The following SLC2A12 variants were observed in gnomAD, a reference collection of about 807,000 sequenced individuals.
The protein encoded by SLC2A12 is solute carrier family 2, facilitated glucose transporter member 12.
In SLC2A12, 23 loss-of-function variants were observed where a neutral mutation model predicts 41.8. That is an observed-to-expected ratio of 0.55 (90% confidence interval 0.40 to 0.78). SLC2A12 has a LOEUF of 0.78. Ranked by LOEUF, SLC2A12 falls within the 30% of genes least tolerant of loss-of-function variation. SLC2A12 has a pLI of 0.00. For missense variants in SLC2A12, 654 were observed against 745.6 expected, an observed-to-expected ratio of 0.88 and a Z score of 1.43; for synonymous variants, 295 against 285.9, an observed-to-expected ratio of 1.03 and a Z score of -0.32.
At chr6:134,040,044 GGTT>G (rs1299623678) in intron 1 of SLC2A12, among the ~76,000 whole-genome samples, 3 of 147,574 alleles carry the variant, frequency 2.0e-5, no homozygotes, top group African/African-American at 5.1e-5. Context: ...TCCAATCTCA[GGTT>G]GTTGTTTTTT....
At chr6:134,050,290 TTC>T in intron 1 of SLC2A12, among the ~76,000 whole-genome samples, 1 of 152,230 alleles carries the variant, frequency 6.6e-6, no homozygotes, top group Non-Finnish European at 1.5e-5. Context: ...AAGGTTTGCA[TTC>T]ATCTAAATGC....
intron 1 of SLC2A12, among the ~76,000 whole-genome samples, chr6:134,052,097 A>G (rs1003144023): frequency 6.6e-6 from 1 of 152,120 alleles, no homozygotes; most frequent in Non-Finnish European, 1.5e-5. Flanking sequence ...CCATCATACC[A>G]GTGGTGGATG....
At chr6:134,040,060 T>TA (rs887584706) in intron 1 of SLC2A12, among the ~76,000 whole-genome samples, 1 of 144,918 alleles carries the variant, frequency 6.9e-6, no homozygotes, top group African/African-American at 2.7e-5. Flanking sequence ...TGTTTTTTGT[T>TA]TTTTTTTTTT....
At chr6:134,023,872 T>C (rs1039765163) in intron 2 of SLC2A12, among the ~76,000 whole-genome samples, 1 of 152,220 alleles carries the variant, frequency 6.6e-6, no homozygotes. Flanking sequence ...AGTCTGTTAC[T>C]GTGATGATTT....
Position 134,029,220 on chromosome 6 carries a change from A to G in SLC2A12, c.605T>C (p.Leu202Pro). The G allele has an allele frequency of 1.2e-6, 2 of 1,614,222 alleles. No individual in the cohort carries two copies. Among genetic ancestry groups the G allele is most frequent in the Non-Finnish European group, 1.7e-6 (2 of 1,180,046 alleles). Residue 202 changes from leucine to proline, a missense_variant, in exon 2 of 5, where the codon CTT (leucine) becomes CCT (proline). Transcript: ENST00000275230. ...VFHGWKYMFGLVIPLGVLQAI... is the reference protein window; with the variant it reads ...VFHGWKYMFGPVIPLGVLQAI... ...TTGCAAAACTCCCAAGGGAATCACA[A>G]GACCAAACATGTACTTCCAGCCATG...
intron 2 of SLC2A12, among the ~76,000 whole-genome samples, chr6:134,017,710 C>G (rs1258364077): frequency 6.6e-6 from 1 of 151,948 alleles, no homozygotes; most frequent in Non-Finnish European, 1.5e-5. Flanking sequence ...AAAAATTAGC[C>G]AGGCGTGGTG....
At chr6:134,005,659 TAAAAAAAAAAAAAAAA>T (rs56710009) in intron 3 of SLC2A12, among the ~76,000 whole-genome samples, 1,553 of 65,044 alleles carry the variant, frequency 0.024, 56 homozygotes, top group African/African-American at 0.079. Flanking sequence ...GACTCTGTCT[TAAAAAAAAAAAAAAAA>T]AAAAAAAAAA....
intron 4 of SLC2A12, among the ~76,000 whole-genome samples, chr6:133,998,303 A>AT (rs748157809): frequency 6.6e-6 from 1 of 152,122 alleles, no homozygotes; most frequent in Non-Finnish European, 1.5e-5. Context: ...CTGTCATTGA[A>AT]TTTTCGTTTG....
intron 4 of SLC2A12, among the ~76,000 whole-genome samples, chr6:133,997,085 C>CAAAAAAAA (rs58295985): frequency 2.0e-3 from 142 of 70,714 alleles, no homozygotes; most frequent in African/African-American, 4.0e-3. Flanking sequence ...ACTAAAAATA[C>CAAAAAAAA]AAAAAAAAAA....
At chr6:134,049,208 T>A (rs1347437664) in intron 1 of SLC2A12, among the ~76,000 whole-genome samples, 1 of 152,192 alleles carries the variant, frequency 6.6e-6, no homozygotes, top group East Asian at 1.9e-4. Context: ...TAAAGGACAG[T>A]CCTTTCAGCT....
At chr6:134,029,883 T>C (rs1777178111) in intron 1 of SLC2A12, among the ~76,000 whole-genome samples, 162 bp from the exon 2 acceptor site, 1 of 152,232 alleles carries the variant, frequency 6.6e-6, no homozygotes, top group South Asian at 2.1e-4. Context: ...AATGATTTGA[T>C]ATAGAAGGAG....
At chr6:134,008,828 A>G (rs748665251) in intron 2 of SLC2A12, among the ~76,000 whole-genome samples, 1 of 152,304 alleles carries the variant, frequency 6.6e-6, no homozygotes, top group South Asian at 2.1e-4. Context: ...GGCCAGGTGA[A>G]GCTGAGGGTC....
intron 4 of SLC2A12, among the ~76,000 whole-genome samples, chr6:133,997,258 CA>C (rs1208697643): frequency 6.6e-6 from 1 of 151,536 alleles, no homozygotes; most frequent in African/African-American, 2.4e-5. Flanking sequence ...GACTCCATCT[CA>C]AAAAAAAGTT....
rs61105808 is a variant in SLC2A12, at chr6:134,024,824, A to G, written c.1444+3557T>C. On this transcript the variant is annotated intron_variant, in intron 2 of 4. Transcript: ENST00000275230. ...GACCCTGGGCACCTCCACAACACCCAGAACTACCCAACTCCAGCTATTAAG... is the reference window on the plus strand; with the variant it reads ...GACCCTGGGCACCTCCACAACACCCGGAACTACCCAACTCCAGCTATTAAG... 6.0e-3 allele frequency among the ~76,000 whole-genome samples: 917 copies of G among 152,376 alleles called. 7 individuals carry two copies. The highest frequency in any genetic ancestry group is 0.02 in the Middle Eastern group (6 of 294).
intron 1 of SLC2A12, 152 bp downstream of exon 1, chr6:134,052,226 C>A: frequency 1.6e-6 from 1 of 611,596 alleles, no homozygotes; most frequent in Non-Finnish European, 2.8e-6. Context: ...ACTCATCCAG[C>A]GCGCCCACAT....
rs186775974 is a variant in SLC2A12 at position 133,994,550 on chromosome 6, A to G, written c.1701-3242T>C. ...AGACCATCCTGGCTAACATGGTGAAACCCCGTCTCTACTAAAAATACAAAA... is the reference window on the plus strand; with the variant it reads ...AGACCATCCTGGCTAACATGGTGAAGCCCCGTCTCTACTAAAAATACAAAA... On this transcript the variant is annotated intron_variant, in intron 4 of 4. Coordinates refer to ENST00000275230, the MANE Select transcript of SLC2A12 (RefSeq NM_145176.3). Among the ~76,000 whole-genome samples, 770 of 152,190 alleles carry G rather than the reference A, an allele frequency of 5.1e-3. 9 individuals are homozygous for G. Among genetic ancestry groups the G allele is most frequent in the African/African-American group, 0.017 (725 of 41,512 alleles).
chr6:134,028,304 C>T (rs1777140894), intron 2 of SLC2A12, 77 bp downstream of exon 2: 1 of 1,500,090 alleles, frequency 6.7e-7, no homozygotes, highest in Non-Finnish European at 8.9e-7. Flanking sequence ...CCTTCTAGCA[C>T]TTATGTTCAT....
At chr6:134,027,947 A>G (rs943401773) in intron 2 of SLC2A12, among the ~76,000 whole-genome samples, 1 of 152,212 alleles carries the variant, frequency 6.6e-6, no homozygotes, top group African/African-American at 2.4e-5. Context: ...TTCCTTCTTT[A>G]CTATCACTGG....
At chr6:134,043,050 G>C (rs759484805) in intron 1 of SLC2A12, among the ~76,000 whole-genome samples, 6 of 152,088 alleles carry the variant, frequency 3.9e-5, no homozygotes, top group African/African-American at 1.4e-4. Flanking sequence ...TGGTGGATTT[G>C]ACAAGAGAAT....
Sources: allele counts gnomAD v4.1 joint callset (sites outside exome capture counted in the v4.1 genomes callset), GRCh38; gene constraint gnomAD v4.1.1; transcripts MANE v1.5; gene names NCBI Gene and HGNC (gene_info 2026-07-23, HGNC 2026-07-21).